The following SPINK7 variants were observed in gnomAD, a reference collection of about 807,000 sequenced individuals.
The protein encoded by SPINK7 is serine peptidase inhibitor Kazal type 7.
Under a neutral mutation model 11.6 loss-of-function variants are expected in SPINK7, and 8 were observed. The ratio of observed to expected loss-of-function variants is 0.69; its 90% CI spans 0.41 to 1.25. SPINK7 has a LOEUF of 1.25. Among genes scored for constraint, SPINK7 ranks in the 50% most tolerant of loss-of-function variants. SPINK7 has a pLI of 0.01. For synonymous variants in SPINK7, 38 were observed against 35.3 expected (o/e 1.08, Z -0.27); for missense variants, 113 against 99.3 (o/e 1.14, Z -0.58).
chr5:148,313,093 TTTGGCCA>T (rs1756881475), intron 1 of SPINK7, among the ~76,000 whole-genome samples: 1 of 152,072 alleles, frequency 6.6e-6, no homozygotes, highest in Non-Finnish European at 1.5e-5. Flanking sequence ...GCTACTTGAC[TTTGGCCA>T]TTATCAAAAA....
At position 148,314,208 on chromosome 5, in the gene SPINK7, T is replaced by C. The variant is rs1756899313; in HGVS notation, c.196T>C (p.Leu66=). Residue 66 remains leucine, a synonymous_variant, in exon 3 of 4, where the codon TTG becomes CTG. Coordinates refer to ENST00000274565, the MANE Select transcript of SPINK7 (RefSeq NM_032566.3). The part of the protein sequence containing the change: ...DYITYGNECH[L]CTESLKSNGR... ...CATCACCTATGGGAATGAATGTCACTTGTGTACCGAGAGCTTGTGAGTACC... is the reference window on the plus strand; with the variant it reads ...CATCACCTATGGGAATGAATGTCACCTGTGTACCGAGAGCTTGTGAGTACC... 1 of 1,613,756 alleles carries C rather than the reference T, an allele frequency of 6.2e-7. No individual in the cohort carries two copies. Among genetic ancestry groups the C allele is most frequent in the Non-Finnish European group, 8.5e-7 (1 of 1,179,728 alleles).
intron 3 of SPINK7, among the ~76,000 whole-genome samples, chr5:148,314,687 C>G (rs868366417): frequency 3.3e-5 from 5 of 152,170 alleles, no homozygotes; most frequent in Admixed American, 1.3e-4. Context: ...TTGAAAACTA[C>G]TACACTACCT....
intron 2 of SPINK7, 120 bp from the exon 3 acceptor site, chr5:148,313,976 TAAAG>T: frequency 8.2e-7 from 1 of 1,220,858 alleles, no homozygotes; most frequent in Non-Finnish European, 1.2e-6. Flanking sequence ...CACTAGTACT[TAAAG>T]AAGTGGCCAA....
Position 148,313,404 on chromosome 5 carries a change from G to T in SPINK7, c.87+5G>T, listed in dbSNP as rs2303056. On this transcript the variant is annotated splice_donor_5th_base_variant and intron_variant, in intron 2 of 3. Transcript: ENST00000274565. The stretch of plus-strand genomic sequence containing the variant: ...GCTAGTCTGTCTCCAAAAAAAGTAA[G>T]TATGTTGAATAACATTTTAATGTCA... 0.02 allele frequency: 31,784 copies of T among 1,588,940 alleles called. 1,649 individuals carry two copies. The East Asian group carries it at 0.21, about 10-fold the overall frequency.
chr5:148,314,061 C>A, intron 2 of SPINK7, 39 bp from the exon 3 acceptor site: 1 of 1,612,600 alleles, frequency 6.2e-7, no homozygotes, highest in South Asian at 1.1e-5. Flanking sequence ...AGCTTGGGGT[C>A]TGGGAGAAAA....
At chr5:148,314,459 T>C in intron 3 of SPINK7, 2 of 555,422 alleles carry the variant, frequency 3.6e-6, no homozygotes, top group Non-Finnish European at 6.4e-6. Flanking sequence ...TTCCTGTCTG[T>C]CAATTGTGAG....
Position 148,315,670 on chromosome 5 carries a change from G to A in SPINK7, c.244G>A (p.Asp82Asn), listed in dbSNP as rs755910109. 2.3e-5 allele frequency: 37 copies of A among 1,597,260 alleles called. No homozygotes were observed. The highest frequency in any genetic ancestry group is 3.0e-5 in the Non-Finnish European group (35 of 1,165,276). Residue 82 changes from aspartate (D) to asparagine (N), a missense_variant, in exon 4 of 4, where the codon GAT (aspartate) becomes AAT (asparagine). Physicochemically the swap from Asp to Asn is conservative, Grantham distance 23 (BLOSUM62 1). Transcript: ENST00000274565. ...KSNGRVQFLH[D>N]GSC Reference sequence around the variant, plus strand: ...TAATGGAAGAGTTCAGTTTCTTCACGATGGAAGTTGCTAAATTCTCCATGG... The same window carrying A: ...TAATGGAAGAGTTCAGTTTCTTCACAATGGAAGTTGCTAAATTCTCCATGG...
intron 3 of SPINK7, among the ~76,000 whole-genome samples, chr5:148,314,967 T>G (rs1486142061): frequency 6.6e-6 from 1 of 152,192 alleles, no homozygotes; most frequent in East Asian, 1.9e-4. Context: ...TAGGCAGATG[T>G]CACTTCTTTG....
chr5:148,315,193 T>C (rs965945349), intron 3 of SPINK7, among the ~76,000 whole-genome samples: 1 of 152,212 alleles, frequency 6.6e-6, no homozygotes, highest in Non-Finnish European at 1.5e-5. Context: ...GGGAAAATTC[T>C]GTAACATAGG....
chr5:148,314,285 C>T, intron 3 of SPINK7, 61 bp downstream of exon 3: 1 of 1,572,544 alleles, frequency 6.4e-7, no homozygotes, highest in Non-Finnish European at 8.7e-7. Flanking sequence ...ACAAACGCTT[C>T]TACTTTCCAG....
rs138587974 is a variant in SPINK7 at position 148,314,193 on chromosome 5, G to A, written c.181G>A (p.Gly61Arg). Residue 61 changes from glycine (G) to arginine (R), a missense_variant, in exon 3 of 4, where the codon GGG becomes AGG. Coordinates refer to ENST00000274565, the MANE Select transcript of SPINK7 (RefSeq NM_032566.3). ...PVCGSDYITY[G>R]NECHLCTESL... ...TTGTGGTTCTGACTACATCACCTAT[G>A]GGAATGAATGTCACTTGTGTACCGA... 4.3e-6 allele frequency: 7 copies of A among 1,613,566 alleles called. No individual in the cohort carries two copies. In the African/African-American group the frequency reaches 9.4e-5, roughly 22 times the overall value.
rs183042551 is a variant in SPINK7 at position 148,314,924 on chromosome 5, T to A, written c.212+700T>A. 7.3e-4 allele frequency among the ~76,000 whole-genome samples: 111 copies of A among 152,296 alleles called. 2 individuals carry two copies. In the East Asian group the frequency reaches 0.02, roughly 27 times the overall value. ...GACATGTTTTGTTTAGGTATTTTCT[T>A]TGGCCCACAAAATGTTTTTGCAGAA... is the stretch of plus-strand genomic sequence containing the variant. On this transcript the variant is annotated intron_variant, in intron 3 of 3. Coordinates refer to ENST00000274565, the MANE Select transcript of SPINK7 (RefSeq NM_032566.3).
intron 2 of SPINK7, chr5:148,313,893 C>T: frequency 3.4e-6 from 2 of 594,650 alleles, no homozygotes; most frequent in Admixed American, 5.9e-5. Context: ...CCCAGAAATG[C>T]CCAGCAATTG....
intron 3 of SPINK7, 89 bp downstream of exon 3, chr5:148,314,313 T>G: frequency 2.7e-4 from 383 of 1,393,310 alleles, no homozygotes; most frequent in Non-Finnish European, 3.5e-4. Context: ...CTTAAATCTC[T>G]ATAAGCTGTA....
At chr5:148,313,130 C>T (rs1756881806) in intron 1 of SPINK7, among the ~76,000 whole-genome samples, 2 of 151,954 alleles carry the variant, frequency 1.3e-5, no homozygotes, top group Admixed American at 6.6e-5. Context: ...GTTCAGAAAA[C>T]ATTCCATGAT....
At position 148,315,852 on chromosome 5, in the gene SPINK7, A is replaced by T. The variant is rs986930473; in HGVS notation, c.*168A>T. On this transcript the variant is annotated 3_prime_UTR_variant, in exon 4 of 4. Coordinates refer to ENST00000274565, the MANE Select transcript of SPINK7 (RefSeq NM_032566.3). ...GAAAGTTTCTGTGCTACCCCTACAA[A>T]CCCATGCCTCACTGACAGACCAGCA... is the stretch of plus-strand genomic sequence containing the variant. 6.7e-5 allele frequency: 30 copies of T among 446,216 alleles called. No homozygotes were observed. The Admixed American group carries it at 9.5e-4, about 14-fold the overall frequency. 27.6% of individuals were successfully genotyped at this position (446,216 alleles called of 1,614,324 possible). A position where few individuals can be genotyped will look rare whatever the true frequency, so the allele number is the denominator to read the frequency against.
intron 3 of SPINK7, among the ~76,000 whole-genome samples, chr5:148,315,078 G>A (rs1224072249): frequency 5.9e-5 from 9 of 152,058 alleles, no homozygotes; most frequent in South Asian, 4.1e-4. Context: ...TAGATCTTGC[G>A]TTTTCATCTT....
In SPINK7 at chr5:148,312,593, A is replaced by C. The variant is rs61508663; in HGVS notation, c.61+49A>C. 8,279 of 1,074,496 alleles carry C rather than the reference A, an allele frequency of 7.7e-3. 556 individuals carry two copies. The East Asian group carries it at 0.15, about 20-fold the overall frequency. The allele number at this position is 1,074,496 out of a possible 1,614,324, so 66.6% of individuals were successfully genotyped here. Reference sequence around the variant, plus strand: ...CTATATAGCCATTAAGATTGTTTTCATAAATAATCCCTCCTGCGATGTGAG... The same window carrying C: ...CTATATAGCCATTAAGATTGTTTTCCTAAATAATCCCTCCTGCGATGTGAG... On this transcript the variant is annotated intron_variant, in intron 1 of 3. Transcript: ENST00000274565.
chr5:148,315,077 C>T (rs1328322132), intron 3 of SPINK7, among the ~76,000 whole-genome samples: 3 of 152,238 alleles, frequency 2.0e-5, no homozygotes, highest in African/African-American at 2.4e-5. Context: ...TTAGATCTTG[C>T]GTTTTCATCT....
Sources: allele counts gnomAD v4.1 joint callset (sites outside exome capture counted in the v4.1 genomes callset), GRCh38; gene constraint gnomAD v4.1.1; transcripts MANE v1.5; gene names NCBI Gene and HGNC (gene_info 2026-07-23, HGNC 2026-07-21).